Variants in ADAMTS17 observed in about 807,000 individuals in gnomAD.
ADAMTS17 encodes ADAM metallopeptidase with thrombospondin type 1 motif 17.
In ADAMTS17, 113 loss-of-function variants were observed where a neutral mutation model predicts 141.5. That is an observed-to-expected ratio of 0.80 (90% CI 0.69 to 0.93). The LOEUF (loss-of-function observed/expected upper bound fraction) is 0.93, where lower values mean the gene tolerates loss of function less well. Ranked by LOEUF, ADAMTS17 falls within the 40% of genes least tolerant of loss-of-function variation. The pLI, the probability that ADAMTS17 is intolerant of heterozygous loss-of-function variation, is 0.00. For missense variants in ADAMTS17, 1,659 were observed against 1,517.9 expected, an observed-to-expected ratio of 1.09 and a Z score of -1.54; for synonymous variants, 768 against 630.6, an observed-to-expected ratio of 1.22 and a Z score of -3.27.
intron 7 of ADAMTS17, among the ~76,000 whole-genome samples, chr15:100,211,726 CAAAGATTTAA>C (rs753952859): frequency 1.3e-5 from 2 of 151,838 alleles, no homozygotes; most frequent in Non-Finnish European, 2.9e-5. Flanking sequence ...TTCCTAAAAC[CAAAGATTTAA>C]AAAGATATAC....
chr15:100,028,306 G>C (rs567585726), intron 18 of ADAMTS17, among the ~76,000 whole-genome samples: 10 of 152,308 alleles, frequency 6.6e-5, no homozygotes, highest in African/African-American at 2.4e-4. Context: ...AGTTGTGCCA[G>C]GGGTTGACAG....
chr15:100,076,985 G>A (rs1302733669), intron 15 of ADAMTS17, among the ~76,000 whole-genome samples: 2 of 151,682 alleles, frequency 1.3e-5, no homozygotes, highest in African/African-American at 2.4e-5. Context: ...GGACATTTAG[G>A]TTGTTTCAAA....
intron 8 of ADAMTS17, among the ~76,000 whole-genome samples, chr15:100,177,212 C>G (rs570675789): frequency 1.6e-4 from 25 of 152,362 alleles, no homozygotes; most frequent in African/African-American, 6.0e-4. Flanking sequence ...GCGTGCCTTT[C>G]TAATTTCTTG....
intron 7 of ADAMTS17, among the ~76,000 whole-genome samples, chr15:100,206,807 A>G (rs1482927098): frequency 6.6e-6 from 1 of 152,186 alleles, no homozygotes; most frequent in Non-Finnish European, 1.5e-5. Flanking sequence ...GGAGGGGCAC[A>G]TTCCTGACTC....
intron 10 of ADAMTS17, among the ~76,000 whole-genome samples, chr15:100,149,327 T>A (rs1211083387): frequency 6.6e-6 from 1 of 152,214 alleles, no homozygotes; most frequent in African/African-American, 2.4e-5. Context: ...AGAGCGTGAG[T>A]GTGTTGGATA....
intron 15 of ADAMTS17, among the ~76,000 whole-genome samples, chr15:100,058,124 C>A (rs1317079842): frequency 4.0e-5 from 6 of 151,348 alleles, no homozygotes; most frequent in Non-Finnish European, 8.8e-5. Context: ...TCCAGGGCCT[C>A]TGCCCATATC....
intron 18 of ADAMTS17, among the ~76,000 whole-genome samples, chr15:100,033,061 A>C (rs1326086519): frequency 6.6e-6 from 1 of 152,206 alleles, no homozygotes; most frequent in Non-Finnish European, 1.5e-5. Flanking sequence ...GAGAAAAAAA[A>C]TGGTTCTCTG....
At chr15:100,167,085 C>T (rs4594243) in intron 8 of ADAMTS17, among the ~76,000 whole-genome samples, 3,190 of 152,204 alleles carry the variant, frequency 0.021, 134 homozygotes, top group East Asian at 0.18. Flanking sequence ...CTAGTGTGAC[C>T]GAGGAACTAA....
At chr15:100,033,612 C>T (rs891016171) in intron 18 of ADAMTS17, among the ~76,000 whole-genome samples, 1 of 152,146 alleles carries the variant, frequency 6.6e-6, no homozygotes, top group African/African-American at 2.4e-5. Context: ...TTTTCTTTAC[C>T]ATGCTCCCGT....
At chr15:100,131,609 G>A (rs1254123336) in intron 12 of ADAMTS17, among the ~76,000 whole-genome samples, 1 of 152,190 alleles carries the variant, frequency 6.6e-6, no homozygotes, top group East Asian at 1.9e-4. Flanking sequence ...GAGGAAGACA[G>A]CTGCACCCAG....
chr15:100,085,127 C>T (rs1451834987), intron 15 of ADAMTS17, among the ~76,000 whole-genome samples: 2 of 152,020 alleles, frequency 1.3e-5, no homozygotes, highest in Non-Finnish European at 1.5e-5. Flanking sequence ...ACTAGAATAA[C>T]CAATGCAGAG....
chr15:100,241,016 G>A (rs954487954), intron 7 of ADAMTS17, among the ~76,000 whole-genome samples: 4 of 152,062 alleles, frequency 2.6e-5, no homozygotes, highest in Non-Finnish European at 5.9e-5. Flanking sequence ...AGTAGAGATG[G>A]TGTTTCACCA....
At chr15:100,150,596 C>A (rs544350770) in intron 10 of ADAMTS17, among the ~76,000 whole-genome samples, 25 of 152,322 alleles carry the variant, frequency 1.6e-4, no homozygotes, top group Non-Finnish European at 2.4e-4. Context: ...CCCTCCTCAT[C>A]CAACCGGGAT....
intron 18 of ADAMTS17, among the ~76,000 whole-genome samples, chr15:100,029,674 C>T (rs535052583): frequency 6.6e-5 from 10 of 152,206 alleles, no homozygotes; most frequent in African/African-American, 2.2e-4. Context: ...ATGAGGTAAC[C>T]GACTACCTTT....
chr15:100,032,833 G>T (rs1036772309), intron 18 of ADAMTS17, among the ~76,000 whole-genome samples: 16 of 152,090 alleles, frequency 1.1e-4, no homozygotes, highest in Admixed American at 9.2e-4. Flanking sequence ...TGAATACGTC[G>T]ACTTTCCAGA....
intron 7 of ADAMTS17, among the ~76,000 whole-genome samples, chr15:100,239,695 G>A (rs987596539): frequency 1.3e-5 from 2 of 152,210 alleles, no homozygotes; most frequent in Non-Finnish European, 2.9e-5. Flanking sequence ...GCTGCCTGGT[G>A]CTACTGGAGC....
chr15:100,254,887 C>T (rs1312177046), intron 6 of ADAMTS17, among the ~76,000 whole-genome samples: 1 of 152,160 alleles, frequency 6.6e-6, no homozygotes, highest in Non-Finnish European at 1.5e-5. Flanking sequence ...GGAAGAATAG[C>T]TAACGGATGC....
At chr15:100,218,573 G>A (rs1179863546) in intron 7 of ADAMTS17, among the ~76,000 whole-genome samples, 1 of 152,168 alleles carries the variant, frequency 6.6e-6, no homozygotes, top group Non-Finnish European at 1.5e-5. Context: ...AAAAAGATGG[G>A]TGTTGGCAAG....
At chr15:100,101,248 C>G (rs1427065601) in intron 14 of ADAMTS17, among the ~76,000 whole-genome samples, 1 of 149,104 alleles carries the variant, frequency 6.7e-6, no homozygotes, top group Non-Finnish European at 1.5e-5. Context: ...CCACAGTCCC[C>G]CGCTGGGTCT....
Sources: gnomAD v4.1 joint callset for allele counts (sites outside exome capture counted in the v4.1 genomes callset) on GRCh38, gnomAD v4.1.1 for gene constraint, MANE v1.5 for transcripts, NCBI Gene and HGNC (gene_info 2026-07-23, HGNC 2026-07-21) for gene names.